The following ST8SIA4 variants were observed in gnomAD, a reference collection of about 807,000 sequenced individuals.
ST8SIA4 encodes CMP-N-acetylneuraminate-poly-alpha-2,8-sialyltransferase.
In ST8SIA4, 15 loss-of-function variants were observed where a neutral mutation model predicts 33.9. The ratio of observed to expected loss-of-function variants is 0.44; its 90% CI spans 0.30 to 0.68. The LOEUF (loss-of-function observed/expected upper bound fraction) is 0.68, where lower values mean the gene tolerates loss of function less well. ST8SIA4 is among the 30% of genes least tolerant of loss of function. ST8SIA4 has a pLI of 0.10. For synonymous variants in ST8SIA4, 171 were observed against 151.2 expected (o/e 1.13, Z -0.96); for missense variants, 321 against 428.0 (o/e 0.75, Z 2.21).
At chr5:100,883,607 G>A (rs921573123) in intron 3 of ST8SIA4, among the ~76,000 whole-genome samples, 3 of 152,092 alleles carry the variant, frequency 2.0e-5, no homozygotes, top group Admixed American at 6.6e-5. Context: ...CCTAAATCTC[G>A]TCTCAAATTG....
chr5:100,845,294 T>C (rs1342540881), intron 4 of ST8SIA4, among the ~76,000 whole-genome samples: 1 of 151,984 alleles, frequency 6.6e-6, no homozygotes, highest in Non-Finnish European at 1.5e-5. Flanking sequence ...ATAACTTTTC[T>C]CCACAAACTC....
chr5:100,851,976 T>C (rs1316130576), intron 4 of ST8SIA4, among the ~76,000 whole-genome samples: 2 of 151,938 alleles, frequency 1.3e-5, no homozygotes, highest in Non-Finnish European at 1.5e-5. Flanking sequence ...TATTAAGATA[T>C]TAAGTTGTAT....
At chr5:100,820,842 G>A (rs1381732970) in intron 4 of ST8SIA4, among the ~76,000 whole-genome samples, 1 of 152,062 alleles carries the variant, frequency 6.6e-6, no homozygotes, top group Non-Finnish European at 1.5e-5. Context: ...ATATCTTTTG[G>A]GAGTTGTCAA....
chr5:100,895,870 G>A, intron 1 of ST8SIA4, 85 bp from the exon 2 acceptor site: 1 of 1,394,318 alleles, frequency 7.2e-7, no homozygotes, highest in Non-Finnish European at 9.7e-7. Flanking sequence ...ATTAATTACT[G>A]GTGATGAATT....
chr5:100,823,738 T>A (rs1184302869), intron 4 of ST8SIA4, among the ~76,000 whole-genome samples: 2 of 152,244 alleles, frequency 1.3e-5, no homozygotes, highest in Admixed American at 6.5e-5. Flanking sequence ...ACTGATCATG[T>A]GGTGTCAATC....
chr5:100,810,024 C>G lies in ST8SIA4; in HGVS notation c.*1823G>C, dbSNP rs945578429. 4.6e-5 allele frequency: 7 copies of G among 151,990 alleles called. No individual in the cohort carries two copies. The highest frequency in any genetic ancestry group is 3.3e-4 in the Admixed American group (5 of 15,256). The allele number at this position is 151,990 out of a possible 1,614,324, so 9.4% of individuals were successfully genotyped here. ...TTCTCAGACTGTTTTCCCTAAGAAA[C>G]AAAACATATATATTCCCCATGCCAT... On this transcript the variant is annotated 3_prime_UTR_variant, in exon 5 of 5. Transcript: ENST00000231461.
intron 2 of ST8SIA4, among the ~76,000 whole-genome samples, chr5:100,891,944 A>G (rs947819575): frequency 6.6e-6 from 1 of 152,042 alleles, no homozygotes; most frequent in African/African-American, 2.4e-5. Flanking sequence ...TATGTATGCA[A>G]TAGGAAATTT....
rs114893809 is a variant in ST8SIA4 at position 100,867,631 on chromosome 5, G to T, written c.504-11235C>A. Among the ~76,000 whole-genome samples, 344 of 152,012 alleles carry T rather than the reference G, an allele frequency of 2.3e-3. 2 individuals carry two copies. Among genetic ancestry groups the T allele is most frequent in the African/African-American group, 8.0e-3 (333 of 41,508 alleles). On this transcript the variant is annotated intron_variant, in intron 3 of 4. Transcript: ENST00000231461. The stretch of plus-strand genomic sequence containing the variant: ...CTCTTAGTGATTATACCATCAAATT[G>T]CCACAGAAATGTCGCTTTGACATTT...
intron 3 of ST8SIA4, among the ~76,000 whole-genome samples, chr5:100,857,084 A>G (rs1751830235): frequency 1.3e-5 from 2 of 152,118 alleles, no homozygotes; most frequent in South Asian, 4.1e-4. Context: ...ATTTTAGGAC[A>G]TCCTCAAAAT....
intron 2 of ST8SIA4, 52 bp downstream of exon 2, chr5:100,895,602 C>T (rs1402063434): frequency 1.4e-5 from 22 of 1,564,982 alleles, no homozygotes; most frequent in Middle Eastern, 1.7e-4. Flanking sequence ...CCAAGCCCAA[C>T]GTATTTGAGA....
chr5:100,867,455 A>G (rs1752091694), intron 3 of ST8SIA4, among the ~76,000 whole-genome samples: 1 of 152,034 alleles, frequency 6.6e-6, no homozygotes, highest in Admixed American at 6.6e-5. Flanking sequence ...TGCACTAAAA[A>G]GAACGAAACA....
chr5:100,833,836 C>T (rs1229169734), intron 4 of ST8SIA4, among the ~76,000 whole-genome samples: 1 of 152,116 alleles, frequency 6.6e-6, no homozygotes, highest in Non-Finnish European at 1.5e-5. Context: ...AGAAGGGATT[C>T]TCCAAGAGCA....
At chr5:100,835,587 T>C (rs1307927096) in intron 4 of ST8SIA4, among the ~76,000 whole-genome samples, 2 of 152,158 alleles carry the variant, frequency 1.3e-5, no homozygotes, top group Admixed American at 6.5e-5. Context: ...TCATCTGAGA[T>C]TGTACTTGTC....
chr5:100,819,825 T>TAA (rs1751001372), intron 4 of ST8SIA4, among the ~76,000 whole-genome samples: 1 of 152,166 alleles, frequency 6.6e-6, no homozygotes, highest in African/African-American at 2.4e-5. Flanking sequence ...TATAAATGTT[T>TAA]AACATTATCT....
chr5:100,885,772 A>C, intron 3 of ST8SIA4: 1 of 924,854 alleles, frequency 1.1e-6, no homozygotes, highest in African/African-American at 1.8e-5. Flanking sequence ...TTAATGAAAA[A>C]CAAACATGCA....
chr5:100,874,017 C>A (rs1052259843), intron 3 of ST8SIA4, among the ~76,000 whole-genome samples: 1 of 152,050 alleles, frequency 6.6e-6, no homozygotes, highest in African/African-American at 2.4e-5. Flanking sequence ...AATTAAATTC[C>A]TTAATGTAAT....
intron 2 of ST8SIA4, among the ~76,000 whole-genome samples, chr5:100,894,547 A>G (rs1458917170): frequency 6.6e-6 from 1 of 152,104 alleles, no homozygotes; most frequent in Admixed American, 6.5e-5. Flanking sequence ...AAACCAAAGT[A>G]GTAATACTAT....
At chr5:100,835,493 G>C (rs538743071) in intron 4 of ST8SIA4, among the ~76,000 whole-genome samples, 1 of 152,006 alleles carries the variant, frequency 6.6e-6, no homozygotes, top group South Asian at 2.1e-4. Flanking sequence ...ATAAATATTG[G>C]AAAGTTAACT....
At chr5:100,885,800 A>G in intron 3 of ST8SIA4, 15 of 895,564 alleles carry the variant, frequency 1.7e-5, no homozygotes, top group Non-Finnish European at 2.0e-5. Flanking sequence ...TTATGTTAAA[A>G]AAACATAAAA....
Sources: allele counts gnomAD v4.1 joint callset (sites outside exome capture counted in the v4.1 genomes callset), GRCh38; gene constraint gnomAD v4.1.1; transcripts MANE v1.5; gene names NCBI Gene and HGNC (gene_info 2026-07-23, HGNC 2026-07-21).